Variants in CRPPA observed in about 807,000 individuals in gnomAD.
CRPPA encodes CDP-L-ribitol pyrophosphorylase A.
Under a neutral mutation model 52.0 loss-of-function variants are expected in CRPPA, and 43 were observed. That is an observed-to-expected ratio of 0.83 (90% CI 0.65 to 1.07). The LOEUF (loss-of-function observed/expected upper bound fraction) is 1.07, where lower values mean the gene tolerates loss of function less well. CRPPA is among the 50% of genes least tolerant of loss of function. The probability of loss-of-function intolerance (pLI) is 0.00; values close to 1 mark genes in which losing one functional copy is unlikely to be tolerated. For missense variants in CRPPA, 629 were observed against 551.7 expected (o/e 1.14, Z -1.40); for synonymous variants, 250 against 203.5 (o/e 1.23, Z -1.94).
chr7:16,096,751 T>C (rs757387415), intron 9 of CRPPA, among the ~76,000 whole-genome samples: 4 of 152,124 alleles, frequency 2.6e-5, no homozygotes, highest in Non-Finnish European at 5.9e-5. Context: ...CCAGCTTCAC[T>C]CTTTTTCTTG....
chr7:16,357,261 C>T (rs775307656), intron 3 of CRPPA, among the ~76,000 whole-genome samples: 12 of 152,148 alleles, frequency 7.9e-5, no homozygotes, highest in Admixed American at 1.3e-4. Context: ...TCACTGCAAC[C>T]GCCAACTCTC....
intron 9 of CRPPA, among the ~76,000 whole-genome samples, chr7:16,192,913 T>C (rs903485050): frequency 6.6e-6 from 1 of 152,100 alleles, no homozygotes. Flanking sequence ...TTAATTCCTC[T>C]ACTTATTTTT....
chr7:16,266,725 C>T (rs537023584), intron 6 of CRPPA, among the ~76,000 whole-genome samples: 3 of 152,216 alleles, frequency 2.0e-5, no homozygotes, highest in Non-Finnish European at 2.9e-5. Context: ...GTGATCCACC[C>T]GCCTCGGCCT....
At chr7:16,317,814 C>A (rs7785481) in intron 3 of CRPPA, among the ~76,000 whole-genome samples, 40,325 of 152,092 alleles carry the variant, frequency 0.27, 7,238 homozygotes, top group African/African-American at 0.52. Context: ...GTTTGAGGAA[C>A]CTCTGCATTG....
intron 9 of CRPPA, among the ~76,000 whole-genome samples, chr7:16,181,179 TTAAA>T (rs1218566304): frequency 2.0e-5 from 3 of 151,922 alleles, no homozygotes; most frequent in Admixed American, 2.0e-4. Flanking sequence ...AACTATACGA[TTAAA>T]TAATTTTTAT....
At chr7:16,114,183 G>C (rs1447687221) in intron 9 of CRPPA, among the ~76,000 whole-genome samples, 1 of 151,708 alleles carries the variant, frequency 6.6e-6, no homozygotes, top group Non-Finnish European at 1.5e-5. Context: ...CTAACAAGCA[G>C]AGAGAAATTG....
intron 9 of CRPPA, among the ~76,000 whole-genome samples, chr7:16,092,239 A>C (rs544130288): frequency 1.3e-5 from 2 of 152,312 alleles, no homozygotes; most frequent in African/African-American, 4.8e-5. Flanking sequence ...GTAAAGTAAG[A>C]ATCGGGAAAA....
chr7:16,335,979 A>G (rs1405665903), intron 3 of CRPPA, among the ~76,000 whole-genome samples: 1 of 152,204 alleles, frequency 6.6e-6, no homozygotes, highest in Non-Finnish European at 1.5e-5. Context: ...AGTGCTGAAG[A>G]AAAAATACTG....
chr7:16,277,783 T>C (rs1349615572), intron 6 of CRPPA, among the ~76,000 whole-genome samples: 2 of 152,158 alleles, frequency 1.3e-5, no homozygotes, highest in African/African-American at 4.8e-5. Context: ...ATAATCTCTC[T>C]AATCTTCACA....
intron 9 of CRPPA, among the ~76,000 whole-genome samples, chr7:16,157,017 T>C (rs1017604338): frequency 6.6e-6 from 1 of 152,154 alleles, no homozygotes; most frequent in Non-Finnish European, 1.5e-5. Context: ...TTGTTTTTTG[T>C]TTTTTGTTTT....
intron 8 of CRPPA, among the ~76,000 whole-genome samples, chr7:16,226,349 C>T (rs964607780): frequency 1.3e-5 from 2 of 151,766 alleles, no homozygotes; most frequent in African/African-American, 4.8e-5. Context: ...ACAGTGCTTC[C>T]AATGAAAAAC....
At chr7:16,231,901 C>T (rs1226984072) in intron 8 of CRPPA, among the ~76,000 whole-genome samples, 1 of 152,192 alleles carries the variant, frequency 6.6e-6, no homozygotes, top group Admixed American at 6.5e-5. Flanking sequence ...GTACCCCATC[C>T]TACTGCCCGC....
At chr7:16,266,847 C>T (rs1420924194) in intron 6 of CRPPA, among the ~76,000 whole-genome samples, 1 of 152,114 alleles carries the variant, frequency 6.6e-6, no homozygotes, top group East Asian at 1.9e-4. Flanking sequence ...TACCACCCTG[C>T]TTTTCTTTCT....
chr7:16,363,871 C>G (rs1786521181), intron 3 of CRPPA, among the ~76,000 whole-genome samples: 1 of 152,040 alleles, frequency 6.6e-6, no homozygotes, highest in Non-Finnish European at 1.5e-5. Flanking sequence ...AATTTGCCTG[C>G]TATAAGTTCA....
intron 9 of CRPPA, among the ~76,000 whole-genome samples, chr7:16,133,013 C>G (rs1288905210): frequency 8.2e-6 from 1 of 122,616 alleles, no homozygotes; most frequent in Non-Finnish European, 1.8e-5. Context: ...AAAAATTAGT[C>G]AGGCATAGTG....
chr7:16,091,008 T>A lies in CRPPA; in HGVS notation c.*687A>T, dbSNP rs1781826106. On this transcript the variant is annotated 3_prime_UTR_variant, in exon 10 of 10. Transcript: ENST00000407010. ...CGAAACTTTCCAGACACTTTTAAGT[T>A]CATTCAGAAAAACTAGAGACCCTTT... The A allele has an allele frequency of 6.6e-6, 1 of 152,224 alleles. No individual in the cohort carries two copies. The highest frequency in any genetic ancestry group is 1.5e-5 in the Non-Finnish European group (1 of 68,054). 9.4% of individuals were successfully genotyped at this position (152,224 alleles called of 1,614,324 possible).
At chr7:16,371,214 G>A (rs1786740753) in intron 3 of CRPPA, among the ~76,000 whole-genome samples, 1 of 152,046 alleles carries the variant, frequency 6.6e-6, no homozygotes, top group Non-Finnish European at 1.5e-5. Context: ...GCTACAACTG[G>A]TACCTACCAA....
chr7:16,305,650 A>G lies in CRPPA; in HGVS notation c.789+2873T>C, dbSNP rs569524272. ...TGGGAGGCCAAGACGGGCAGATCAC[A>G]AAGTCAGGAGATCAAGACCATCCTG... is the stretch of plus-strand genomic sequence containing the variant. On this transcript the variant is annotated intron_variant, in intron 4 of 9. Coordinates refer to ENST00000407010, the MANE Select transcript of CRPPA (RefSeq NM_001101426.4). 1.2e-3 allele frequency among the ~76,000 whole-genome samples: 190 copies of G among 152,240 alleles called. 1 individual carries two copies. The Middle Eastern group carries it at 0.02, about 16-fold the overall frequency.
chr7:16,199,857 T>TC (rs1350297932), intron 9 of CRPPA, among the ~76,000 whole-genome samples: 2 of 148,146 alleles, frequency 1.4e-5, no homozygotes, highest in Non-Finnish European at 3.0e-5. Context: ...GCTTTTTCTT[T>TC]TTTTTTTTTT....
Sources: gnomAD v4.1 joint callset for allele counts (sites outside exome capture counted in the v4.1 genomes callset) on GRCh38, gnomAD v4.1.1 for gene constraint, MANE v1.5 for transcripts, NCBI Gene and HGNC (gene_info 2026-07-23, HGNC 2026-07-21) for gene names.